NXN: variants seen among roughly 807,000 people sequenced by gnomAD.
NXN encodes the protein nucleoredoxin 1.
Under a neutral mutation model 48.6 loss-of-function variants are expected in NXN, and 16 were observed. The ratio of observed to expected loss-of-function variants is 0.33; its 90% CI spans 0.22 to 0.50. NXN has a LOEUF of 0.50. NXN is among the 20% of genes least tolerant of loss of function. The pLI is 0.98. For synonymous variants in NXN, 281 were observed against 269.6 expected (o/e 1.04, Z -0.41); for missense variants, 492 against 605.5 (o/e 0.81, Z 1.97).
intron 1 of NXN, among the ~76,000 whole-genome samples, chr17:895,761 T>C (rs2068475749): frequency 1.5e-5 from 1 of 65,270 alleles, no homozygotes; most frequent in African/African-American, 7.6e-5. Flanking sequence ...GAGCTTGCAG[T>C]GAGCCGAGAT....
At position 800,963 on chromosome 17, in the gene NXN, G is replaced by A. The variant is rs769069914; in HGVS notation, c.1294C>T (p.Pro432Ser). 2 of 1,496,936 alleles carry A rather than the reference G, an allele frequency of 1.3e-6. No homozygotes were observed. The highest frequency in any genetic ancestry group is 1.8e-6 in the Non-Finnish European group (2 of 1,116,104). 92.7% of individuals were successfully genotyped at this position (1,496,936 alleles called of 1,614,324 possible). ...CCGGAGCCACGCTAGATGGGCTCCG[G>A]TTTGAGCTTCTCTGCTAGGAAGTCA... ...VNDFLAEKLK[P>S]EPI The change falls in exon 8 of 8, where the codon CCG (proline) becomes TCG (serine). Residue 432 changes from proline (P) to serine (S), a missense_variant. Physicochemically the swap from Pro to Ser is moderately conservative, Grantham distance 74. Transcript: ENST00000336868.
At chr17:897,909 C>T (rs967977143) in intron 1 of NXN, among the ~76,000 whole-genome samples, 2 of 152,170 alleles carry the variant, frequency 1.3e-5, no homozygotes, top group Non-Finnish European at 2.9e-5. Context: ...TCGAACTCCT[C>T]ACCTCAGGTG....
chr17:903,970 T>C (rs1025326664), intron 1 of NXN, among the ~76,000 whole-genome samples: 1 of 152,188 alleles, frequency 6.6e-6, no homozygotes, highest in Non-Finnish European at 1.5e-5. Flanking sequence ...CACTAGTCTG[T>C]GGACAAGGAG....
rs1214148193 is a variant in NXN, at chr17:820,929, A to C, written c.714-1384T>G. ...ACAGAGCGAGACTCCACCTAAAAAA[A>C]AAAAAAAAAACAAAAAAAAAAACTG... On this transcript the variant is annotated intron_variant, in intron 4 of 7. Coordinates refer to ENST00000336868, the MANE Select transcript of NXN (RefSeq NM_022463.5). Among the ~76,000 whole-genome samples, 3 of 68,740 alleles carry C rather than the reference A, an allele frequency of 4.4e-5. 1 individual carries two copies. Among genetic ancestry groups the C allele is most frequent in the Non-Finnish European group, 8.1e-5 (3 of 37,122 alleles). The allele number at this position is 68,740 out of a possible 152,430, so 45.1% of individuals were successfully genotyped here.
intron 1 of NXN, among the ~76,000 whole-genome samples, chr17:829,947 T>G (rs1913364055): frequency 6.6e-6 from 1 of 152,176 alleles, no homozygotes; most frequent in Non-Finnish European, 1.5e-5. Flanking sequence ...TGCATGTGTC[T>G]TTACAGAAGA....
intron 1 of NXN, among the ~76,000 whole-genome samples, chr17:880,938 C>A (rs1049352642): frequency 2.0e-5 from 3 of 152,180 alleles, no homozygotes; most frequent in African/African-American, 7.2e-5. Flanking sequence ...AAGGGGCTGA[C>A]TGGTTCCTGT....
chr17:881,946 G>A (rs1236053965), intron 1 of NXN, among the ~76,000 whole-genome samples: 2 of 152,144 alleles, frequency 1.3e-5, no homozygotes, highest in Non-Finnish European at 2.9e-5. Context: ...CGGATGGGAG[G>A]GGGAGTCACC....
intron 5 of NXN, among the ~76,000 whole-genome samples, chr17:812,056 T>G (rs930594660): frequency 6.7e-6 from 1 of 150,030 alleles, no homozygotes; most frequent in African/African-American, 2.5e-5. Flanking sequence ...GCCTCCCGAG[T>G]AGCTGGGACT....
At chr17:941,156 C>T (rs1317627481) in intron 1 of NXN, among the ~76,000 whole-genome samples, 1 of 131,848 alleles carries the variant, frequency 7.6e-6, no homozygotes, top group Admixed American at 7.3e-5. Flanking sequence ...AGGGTGCAGC[C>T]ATGAACTCAC....
At chr17:886,339 C>G (rs1470671419) in intron 1 of NXN, among the ~76,000 whole-genome samples, 1 of 152,096 alleles carries the variant, frequency 6.6e-6, no homozygotes, top group African/African-American at 2.4e-5. Flanking sequence ...AACATCCAAG[C>G]TGGACTAAAG....
intron 1 of NXN, among the ~76,000 whole-genome samples, chr17:960,303 A>G (rs1242347154): frequency 6.6e-6 from 1 of 152,152 alleles, no homozygotes; most frequent in Non-Finnish European, 1.5e-5. Flanking sequence ...CAGTATGTGA[A>G]GTATAGGTCT....
intron 1 of NXN, among the ~76,000 whole-genome samples, chr17:877,454 G>T (rs1353834633): frequency 6.6e-6 from 1 of 152,148 alleles, no homozygotes; most frequent in African/African-American, 2.4e-5. Context: ...CCGCGACTGT[G>T]TTTTTCAAAC....
At chr17:807,230 C>G (rs1911608042) in intron 5 of NXN, among the ~76,000 whole-genome samples, 1 of 152,228 alleles carries the variant, frequency 6.6e-6, no homozygotes, top group Non-Finnish European at 1.5e-5. Context: ...CATCACCACA[C>G]ACCCTTCTCA....
intron 1 of NXN, among the ~76,000 whole-genome samples, chr17:937,281 G>A (rs2068918117): frequency 6.6e-6 from 1 of 152,108 alleles, no homozygotes; most frequent in Non-Finnish European, 1.5e-5. Flanking sequence ...GAAGAAAAAG[G>A]AGGGCAGGGG....
At chr17:811,513 G>GT (rs1010836712) in intron 5 of NXN, among the ~76,000 whole-genome samples, 1 of 152,200 alleles carries the variant, frequency 6.6e-6, no homozygotes, top group African/African-American at 2.4e-5. Context: ...CGGGGTTGGG[G>GT]GGGGGGCAGC....
At chr17:806,725 C>T (rs951586083) in intron 5 of NXN, among the ~76,000 whole-genome samples, 12 of 152,152 alleles carry the variant, frequency 7.9e-5, no homozygotes, top group South Asian at 4.1e-4. Context: ...GGGGGGATGC[C>T]GAGGTACCAG....
intron 1 of NXN, among the ~76,000 whole-genome samples, chr17:951,564 C>CGGGGGCGGGGGTT (rs2069111123): frequency 1.1e-3 from 1 of 876 alleles, no homozygotes; most frequent in African/African-American, 4.8e-3. Flanking sequence ...GAGCTGGGGG[C>CGGGGGCGGGGGTT]GGGGGCGGGG....
chr17:846,804 C>G (rs533203280), intron 1 of NXN, among the ~76,000 whole-genome samples: 8 of 152,138 alleles, frequency 5.3e-5, no homozygotes, highest in African/African-American at 1.9e-4. Context: ...ACGCTTGGTA[C>G]TGTGGCATGC....
At chr17:948,671 ACCTAAGACAGCTGGGTCCC>A (rs1349350641) in intron 1 of NXN, among the ~76,000 whole-genome samples, 1 of 151,864 alleles carries the variant, frequency 6.6e-6, no homozygotes, top group Non-Finnish European at 1.5e-5. Context: ...TTGAGGCAAA[ACCTAAGACAGCTGGGTCCC>A]AACGCGGGGC....
Sources: allele counts gnomAD v4.1 joint callset (sites outside exome capture counted in the v4.1 genomes callset), GRCh38; gene constraint gnomAD v4.1.1; transcripts MANE v1.5; gene names NCBI Gene and HGNC (gene_info 2026-07-23, HGNC 2026-07-21).